Variants in DOCK2 observed in about 807,000 individuals in gnomAD.
DOCK2 encodes the protein dedicator of cytokinesis protein 2.
A neutral mutation model predicts 248.9 loss-of-function variants in DOCK2; 87 were observed. The observed-to-expected ratio is 0.35, with a 90% CI of 0.29 to 0.42. The LOEUF (loss-of-function observed/expected upper bound fraction) is 0.42. Among genes scored for constraint, DOCK2 ranks in the 10% least tolerant of loss-of-function variants. The pLI is 1.00. For synonymous variants in DOCK2, 805 were observed against 821.6 expected (o/e 0.98, Z 0.35); for missense variants, 1,747 against 2,300.2 (o/e 0.76, Z 4.92).
At chr5:169,977,739 G>A (rs911054982) in intron 27 of DOCK2, among the ~76,000 whole-genome samples, 11 of 152,128 alleles carry the variant, frequency 7.2e-5, no homozygotes, top group African/African-American at 1.4e-4. Flanking sequence ...AGCCCAGAAC[G>A]CAAGGACAGA....
intron 29 of DOCK2, among the ~76,000 whole-genome samples, chr5:169,992,931 T>C (rs944680848): frequency 2.6e-5 from 4 of 152,196 alleles, no homozygotes; most frequent in African/African-American, 9.7e-5. Flanking sequence ...CTAATCCCCA[T>C]CATCAGCACA....
chr5:169,882,898 T>C, intron 27 of DOCK2: 25 of 1,551,888 alleles, frequency 1.6e-5, no homozygotes, highest in Non-Finnish European at 2.2e-5. Flanking sequence ...CTGGTGATTG[T>C]TACTTGATGA....
chr5:170,038,747 T>C (rs1756407067), intron 36 of DOCK2, among the ~76,000 whole-genome samples: 1 of 152,146 alleles, frequency 6.6e-6, no homozygotes, highest in Non-Finnish European at 1.5e-5. Flanking sequence ...GTGCCTTCTT[T>C]TGGGTTCTGT....
At chr5:169,684,446 C>G (rs1581029926) in intron 8 of DOCK2, 96 bp downstream of exon 8, 1 of 1,456,100 alleles carries the variant, frequency 6.9e-7, no homozygotes, top group East Asian at 2.3e-5. Flanking sequence ...CAATCTCCAC[C>G]TGGAAAAGAG....
intron 22 of DOCK2, among the ~76,000 whole-genome samples, chr5:169,741,803 ATTTTTTT>A (rs33955559): frequency 1.2e-5 from 1 of 82,420 alleles, no homozygotes; most frequent in African/African-American, 4.9e-5. Context: ...ATCTTTTACT[ATTTTTTT>A]TTTTTTTTTT....
At chr5:169,686,678 A>T (rs1472824699) in intron 8 of DOCK2, among the ~76,000 whole-genome samples, 3 of 152,218 alleles carry the variant, frequency 2.0e-5, no homozygotes, top group Admixed American at 6.5e-5. Context: ...GGATCGACAT[A>T]CAGTGAACAA....
chr5:169,790,914 TC>T (rs1325986626), intron 25 of DOCK2, among the ~76,000 whole-genome samples: 3 of 152,180 alleles, frequency 2.0e-5, no homozygotes, highest in African/African-American at 4.8e-5. Flanking sequence ...TGCCATGCCT[TC>T]CTCTATGATT....
intron 47 of DOCK2, among the ~76,000 whole-genome samples, chr5:170,077,282 T>A (rs958199229): frequency 6.6e-6 from 1 of 152,154 alleles, no homozygotes; most frequent in African/African-American, 2.4e-5. Context: ...GATTGAACCA[T>A]TGGCCATGTG....
intron 22 of DOCK2, among the ~76,000 whole-genome samples, chr5:169,722,102 A>C (rs937313546): frequency 1.3e-5 from 2 of 152,232 alleles, no homozygotes; most frequent in African/African-American, 4.8e-5. Flanking sequence ...TTGTAGAATG[A>C]CTGAGCTCCT....
rs191150673 is a variant in DOCK2 at position 170,043,389 on chromosome 5, A to G, written c.3876+1257A>G. Among the ~76,000 whole-genome samples the G allele has an allele frequency of 1.9e-4, 29 of 152,322 alleles. No individual in the cohort carries two copies. In the East Asian group the frequency reaches 5.2e-3, roughly 27 times the overall value. On this transcript the variant is annotated intron_variant, in intron 38 of 51. Coordinates refer to ENST00000520908, the MANE Select transcript of DOCK2 (RefSeq NM_004946.3). ...AGCTGGTGAAATGTCAGTAACCGTCATCATTATCCTACTCCACCGCTTCCT... is the reference window on the plus strand; with the variant it reads ...AGCTGGTGAAATGTCAGTAACCGTCGTCATTATCCTACTCCACCGCTTCCT...
rs539959517 is a variant in DOCK2 at position 169,851,943 on chromosome 5, TGGGTGGG to T, written c.2799+11093_2799+11099del. On this transcript the variant is annotated intron_variant, in intron 27 of 51. Transcript: ENST00000520908. ...GGGGATTACAATTCGAGATGAGATT[TGGGTGGG>T]GACACAGCAAAACCATATCACCATG... is the stretch of plus-strand genomic sequence containing the variant. Among the ~76,000 whole-genome samples, 14 of 152,242 alleles carry T rather than the reference TGGGTGGG, an allele frequency of 9.2e-5. No individual in the cohort carries two copies. The South Asian group carries it at 2.9e-3, about 32-fold the overall frequency.
chr5:169,702,379 T>C lies in DOCK2; in HGVS notation c.1335T>C (p.Asn445=), dbSNP rs1403300045. ...FDKYNKTTQR[N]VEVIMCVCAE... ...AGTACAACAAGACCACACAGAGGAA[T>C]GTGGAAGTCATCATGTGTGTGTGCG... is the stretch of plus-strand genomic sequence containing the variant. The change falls in exon 14 of 52, where the codon AAT becomes AAC. Residue 445 remains asparagine, a synonymous_variant. Coordinates refer to ENST00000520908, the MANE Select transcript of DOCK2 (RefSeq NM_004946.3). 10 of 1,613,872 alleles carry C rather than the reference T, an allele frequency of 6.2e-6. No individual in the cohort carries two copies. Among genetic ancestry groups the C allele is most frequent in the Non-Finnish European group, 8.5e-6 (10 of 1,179,908 alleles).
chr5:170,042,183 G>A, intron 38 of DOCK2, 51 bp downstream of exon 38: 1 of 1,546,450 alleles, frequency 6.5e-7, no homozygotes, highest in South Asian at 1.2e-5. Context: ...CTGGAAGGAT[G>A]GTTCTCTCCC....
chr5:169,733,713 A>G (rs989349268), intron 22 of DOCK2, among the ~76,000 whole-genome samples: 1 of 152,048 alleles, frequency 6.6e-6, no homozygotes, highest in Non-Finnish European at 1.5e-5. Flanking sequence ...ATATAGACTT[A>G]TAGCTCATTT....
chr5:169,736,518 C>T (rs1322156683), intron 22 of DOCK2, among the ~76,000 whole-genome samples: 1 of 152,240 alleles, frequency 6.6e-6, no homozygotes, highest in East Asian at 1.9e-4. Flanking sequence ...CACTGGTTTG[C>T]ACCCCAGCCT....
intron 3 of DOCK2, among the ~76,000 whole-genome samples, chr5:169,669,533 C>A (rs1758922436): frequency 6.6e-6 from 1 of 152,140 alleles, no homozygotes; most frequent in Admixed American, 6.5e-5. Flanking sequence ...TAAGGTTCAT[C>A]TCTGGTGCCA....
chr5:169,855,681 T>C (rs1445853539), intron 27 of DOCK2, among the ~76,000 whole-genome samples: 1 of 152,110 alleles, frequency 6.6e-6, no homozygotes, highest in Non-Finnish European at 1.5e-5. Flanking sequence ...AGACCAAGGA[T>C]CCCAATGGTG....
At chr5:170,039,508 G>A (rs1756442207) in intron 36 of DOCK2, among the ~76,000 whole-genome samples, 1 of 152,200 alleles carries the variant, frequency 6.6e-6, no homozygotes, top group South Asian at 2.1e-4. Flanking sequence ...GTACAGCTTT[G>A]CTGAATGAAT....
chr5:169,995,309 G>T (rs956059808), intron 29 of DOCK2, among the ~76,000 whole-genome samples: 6 of 152,172 alleles, frequency 3.9e-5, no homozygotes, highest in African/African-American at 1.2e-4. Context: ...GATTACAGGC[G>T]CAAGCCACTG....
Sources: allele counts gnomAD v4.1 joint callset (sites outside exome capture counted in the v4.1 genomes callset), GRCh38; gene constraint gnomAD v4.1.1; transcripts MANE v1.5; gene names NCBI Gene and HGNC (gene_info 2026-07-23, HGNC 2026-07-21).